TECTA: variants seen among roughly 807,000 people sequenced by gnomAD.
TECTA encodes alpha-tectorin.
In TECTA, 128 loss-of-function variants were observed where a neutral mutation model predicts 216.8. The observed-to-expected ratio is 0.59, with a 90% CI of 0.51 to 0.68. The LOEUF (loss-of-function observed/expected upper bound fraction) is 0.68. TECTA is among the 30% of genes least tolerant of loss of function. The pLI is 0.00. For missense variants in TECTA, 2,551 were observed against 2,786.2 expected (o/e 0.92, Z 1.90); for synonymous variants, 1,089 against 1,117.1 (o/e 0.97, Z 0.50).
chr11:121,174,430 C>T (rs562231432), intron 20 of TECTA, among the ~76,000 whole-genome samples: 6 of 152,254 alleles, frequency 3.9e-5, no homozygotes, highest in African/African-American at 1.2e-4. Flanking sequence ...AAGGCCTTTT[C>T]TGCATCTATT....
At chr11:121,119,768 A>G (rs1946538947) in intron 7 of TECTA, among the ~76,000 whole-genome samples, 1 of 152,208 alleles carries the variant, frequency 6.6e-6, no homozygotes, top group Non-Finnish European at 1.5e-5. Flanking sequence ...GGGCCAGGGA[A>G]CTAATTCCAC....
chr11:121,139,889 T>C (rs1262651665), intron 11 of TECTA, among the ~76,000 whole-genome samples: 3 of 152,202 alleles, frequency 2.0e-5, no homozygotes, highest in Admixed American at 6.5e-5. Context: ...TTACAACAAC[T>C]TCCCTCTATC....
At chr11:121,190,051 A>T (rs1011491483) in intron 23 of TECTA, 171 bp downstream of exon 23, 50 of 608,456 alleles carry the variant, frequency 8.2e-5, no homozygotes, top group African/African-American at 8.0e-4. Context: ...AGGGCCATTA[A>T]ACAAACAAAC....
At position 121,162,079 on chromosome 11, in the gene TECTA, C is replaced by T; in HGVS notation, c.4981C>T (p.Leu1661Phe). The T allele has an allele frequency of 1.9e-6, 3 of 1,614,034 alleles. No individual in the cohort carries two copies. The highest frequency in any genetic ancestry group is 2.5e-6 in the Non-Finnish European group (3 of 1,180,042). ...WKTNGMQKRPLAPSCNELQFS... is the reference protein window; with the variant it reads ...WKTNGMQKRPFAPSCNELQFS... The stretch of plus-strand genomic sequence containing the variant: ...TGCTTCACTCAGTCTGACCAGACCT[C>T]TTGCCCCCAGCTGCAACGAGCTGCA... The change falls in exon 16 of 24, where the codon CTT becomes TTT. Residue 1661 changes from leucine (L) to phenylalanine (F), a missense_variant. Leu to Phe is a conservative substitution (Grantham distance 22, BLOSUM62 0). Coordinates refer to ENST00000392793, the MANE Select transcript of TECTA (RefSeq NM_005422.4).
At chr11:121,180,085 G>A (rs533674713) in intron 20 of TECTA, among the ~76,000 whole-genome samples, 1 of 149,988 alleles carries the variant, frequency 6.7e-6, no homozygotes, top group South Asian at 2.1e-4. Context: ...CTGTCATTTT[G>A]TTTATTGTTT....
intron 9 of TECTA, among the ~76,000 whole-genome samples, chr11:121,129,148 G>A (rs1454231618): frequency 6.6e-6 from 1 of 152,192 alleles, no homozygotes; most frequent in African/African-American, 2.4e-5. Flanking sequence ...TGCCACATTG[G>A]CAGAGATTTA....
At position 121,186,249 on chromosome 11, in the gene TECTA, T is replaced by G. The variant is rs1032929129; in HGVS notation, c.6000-1583T>G. On this transcript the variant is annotated intron_variant, in intron 20 of 23. Coordinates refer to ENST00000392793, the MANE Select transcript of TECTA (RefSeq NM_005422.4). ...AGTATTTTGGGGTCAGTTGTTTCTCTCCAGCTGTGTGGAGGGCAGAGACAG... is the reference window on the plus strand; with the variant it reads ...AGTATTTTGGGGTCAGTTGTTTCTCGCCAGCTGTGTGGAGGGCAGAGACAG... Among the ~76,000 whole-genome samples the G allele has an allele frequency of 2.0e-5, 3 of 152,358 alleles. No individual in the cohort carries two copies. The East Asian group carries it at 5.8e-4, about 29-fold the overall frequency.
At chr11:121,138,437 A>G (rs634678) in intron 11 of TECTA, among the ~76,000 whole-genome samples, 6,800 of 152,192 alleles carry the variant, frequency 0.045, 509 homozygotes, top group African/African-American at 0.15. Flanking sequence ...TCCCTAACTG[A>G]TGCTATTGTC....
intron 16 of TECTA, among the ~76,000 whole-genome samples, chr11:121,163,021 C>T (rs1042021046): frequency 6.6e-6 from 1 of 152,024 alleles, no homozygotes; most frequent in African/African-American, 2.4e-5. Context: ...ATAAATGTGC[C>T]ATAGACATAC....
rs764972893 is a variant in TECTA at position 121,113,237 on chromosome 11, C to A, written c.624+28C>A. The A allele has an allele frequency of 1.2e-6, 2 of 1,613,626 alleles. No homozygotes were observed. Among genetic ancestry groups the A allele is most frequent in the Admixed American group, 1.7e-5 (1 of 60,020 alleles). ...AGGTGGCTCTCCACTTCATCCCCCGCGTGTTTCCGTCGCTGCACTCTCTGC... is the reference window on the plus strand; with the variant it reads ...AGGTGGCTCTCCACTTCATCCCCCGAGTGTTTCCGTCGCTGCACTCTCTGC... On this transcript the variant is annotated intron_variant, in intron 5 of 23. Transcript: ENST00000392793. The surrounding 1 kb of genome is among the most constrained non-coding windows in gnomAD (Gnocchi z 4.2).
intron 7 of TECTA, among the ~76,000 whole-genome samples, chr11:121,123,324 T>G (rs1946577661): frequency 6.6e-6 from 1 of 152,244 alleles, no homozygotes; most frequent in African/African-American, 2.4e-5. Flanking sequence ...TCACCCGTAC[T>G]AGATGCCTGG....
intron 13 of TECTA, among the ~76,000 whole-genome samples, chr11:121,153,840 A>G (rs1392743243): frequency 6.6e-6 from 1 of 152,252 alleles, no homozygotes; most frequent in Non-Finnish European, 1.5e-5. Context: ...TCTTGCCTAG[A>G]CAAGGTATTT....
intron 23 of TECTA, 147 bp from the exon 24 acceptor site, chr11:121,190,559 A>T: frequency 1.5e-6 from 1 of 663,164 alleles, no homozygotes; most frequent in Non-Finnish European, 2.7e-6. Context: ...TAATTCTGCT[A>T]CTTTGCTGCC....
At chr11:121,112,375 C>T (rs116187655) in intron 4 of TECTA, among the ~76,000 whole-genome samples, 30 of 152,332 alleles carry the variant, frequency 2.0e-4, no homozygotes, top group African/African-American at 7.2e-4. Flanking sequence ...TCATTTCCCG[C>T]AGTCCCTAGT....
intron 12 of TECTA, among the ~76,000 whole-genome samples, chr11:121,147,439 T>A (rs1306083154): frequency 1.3e-5 from 2 of 152,088 alleles, no homozygotes; most frequent in African/African-American, 4.8e-5. Flanking sequence ...GCCATCCCAT[T>A]TCATCCAGGC....
chr11:121,106,323 G>T (rs564845542), intron 3 of TECTA, among the ~76,000 whole-genome samples: 6 of 152,228 alleles, frequency 3.9e-5, no homozygotes, highest in Middle Eastern at 3.4e-3. Flanking sequence ...TTTCCCTTCT[G>T]GGGGTGTGAA....
At chr11:121,135,967 T>TC (rs1214997064) in intron 10 of TECTA, among the ~76,000 whole-genome samples, 1 of 151,570 alleles carries the variant, frequency 6.6e-6, no homozygotes, top group Non-Finnish European at 1.5e-5. Flanking sequence ...ATGTGCTTTT[T>TC]TTTTTTCTCC....
rs929896376 is a variant in TECTA at position 121,113,636 on chromosome 11, C to A, written c.708C>A (p.Thr236=). 6.2e-7 allele frequency: 1 copy of A among 1,613,810 alleles called. No homozygotes were observed. Among genetic ancestry groups the A allele is most frequent in the African/African-American group, 1.3e-5 (1 of 74,874 alleles). The part of the protein sequence containing the change: ...RTPEIVNIQE[T]TNVNVPGRWA... The stretch of plus-strand genomic sequence containing the variant: ...CCGAGATCGTGAATATCCAGGAGAC[C>A]ACAAACGTCAATGTTCCAGGCCGCT... Residue 236 remains threonine (T), a synonymous_variant, in exon 6 of 24, where the codon ACC becomes ACA. Transcript: ENST00000392793. This position sits in a 1 kb window ranked among gnomAD's most constrained non-coding sequence, Gnocchi z 4.2.
intron 12 of TECTA, among the ~76,000 whole-genome samples, chr11:121,151,986 C>T (rs1946894750): frequency 6.6e-6 from 1 of 152,176 alleles, no homozygotes; most frequent in Non-Finnish European, 1.5e-5. Context: ...GTTCTGAGCA[C>T]ACAGACTCAC....
Sources: gnomAD v4.1 joint callset for allele counts (sites outside exome capture counted in the v4.1 genomes callset) on GRCh38, gnomAD v4.1.1 for gene constraint, Gnocchi (gnomAD v3.1) non-coding constraint, MANE v1.5 for transcripts, NCBI Gene and HGNC (gene_info 2026-07-23, HGNC 2026-07-21) for gene names.